MCOLN2: variants seen among roughly 807,000 people sequenced by gnomAD.
MCOLN2 encodes mucolipin TRP cation channel 2.
MCOLN2 carries 57 observed loss-of-function variants against 67.5 expected under a neutral mutation model. That is an observed-to-expected ratio of 0.84 (90% confidence interval 0.68 to 1.05). The LOEUF (loss-of-function observed/expected upper bound fraction) is 1.05. Among genes scored for constraint, MCOLN2 ranks in the 50% least tolerant of loss-of-function variants. The probability of loss-of-function intolerance (pLI) is 0.00; values close to 1 mark genes in which losing one functional copy is unlikely to be tolerated. For synonymous variants in MCOLN2, 246 were observed against 233.3 expected (o/e 1.05, Z -0.50); for missense variants, 620 against 678.8 (o/e 0.91, Z 0.96).
At chr1:84,980,433 C>A (rs1420028016) in intron 1 of MCOLN2, among the ~76,000 whole-genome samples, 1 of 151,974 alleles carries the variant, frequency 6.6e-6, no homozygotes, top group Non-Finnish European at 1.5e-5. Context: ...GCTTTACTAA[C>A]CAAAACAGCA....
chr1:84,994,359 C>G (rs933953385), intron 1 of MCOLN2, among the ~76,000 whole-genome samples: 3 of 52,716 alleles, frequency 5.7e-5, no homozygotes, highest in Admixed American at 4.7e-4. Context: ...CTTGTCCTCT[C>G]TACTAGGAAA....
intron 2 of MCOLN2, among the ~76,000 whole-genome samples, chr1:84,964,066 T>G (rs758724032): frequency 2.0e-4 from 30 of 152,222 alleles, no homozygotes; most frequent in Non-Finnish European, 3.4e-4. Flanking sequence ...TGTATCTATT[T>G]TATTGGTTGC....
chr1:84,993,619 C>CTTTTT (rs869075778), intron 1 of MCOLN2, among the ~76,000 whole-genome samples: 6 of 118,524 alleles, frequency 5.1e-5, no homozygotes, highest in African/African-American at 9.6e-5. Flanking sequence ...TAAATAATGT[C>CTTTTT]TTTTTTTTTT....
At chr1:84,967,100 G>T (rs557830524) in intron 1 of MCOLN2, among the ~76,000 whole-genome samples, 13 of 152,264 alleles carry the variant, frequency 8.5e-5, no homozygotes, top group African/African-American at 3.1e-4. Flanking sequence ...ACAAAGTTTG[G>T]AGATCAGTGA....
Position 84,940,892 on chromosome 1 carries a change from A to G in MCOLN2, c.947T>C (p.Leu316Pro), listed in dbSNP as rs1647736882. The change falls in exon 8 of 14, where the codon CTA becomes CCA. Residue 316 changes from leucine to proline, a missense_variant. By Grantham distance (98) the Leu-to-Pro change is moderately conservative (BLOSUM62 -3). Transcript: ENST00000370608. ...ILCTRSIVLA[L>P]RLRKRFLNFF... ...ACACACTCTTACCTTCCGTAACCTT[A>G]GAGCAAGAACAATGGATCTTGTACA... The G allele has an allele frequency of 4.3e-6, 7 of 1,611,736 alleles. No homozygotes were observed. In the South Asian group the frequency reaches 5.5e-5, roughly 13 times the overall value.
At chr1:84,930,850 C>T (rs1244598237) in intron 12 of MCOLN2, among the ~76,000 whole-genome samples, 1 of 152,094 alleles carries the variant, frequency 6.6e-6, no homozygotes, top group African/African-American at 2.4e-5. Flanking sequence ...AGTTAAATGG[C>T]CTAGTCTGAA....
At chr1:84,944,963 A>G (rs1344091032) in intron 7 of MCOLN2, among the ~76,000 whole-genome samples, 1 of 152,230 alleles carries the variant, frequency 6.6e-6, no homozygotes, top group Non-Finnish European at 1.5e-5. Context: ...GTTTCCAAAC[A>G]TAAGTTTTTT....
intron 11 of MCOLN2, among the ~76,000 whole-genome samples, chr1:84,932,600 T>C (rs1647235080): frequency 6.6e-6 from 1 of 151,846 alleles, no homozygotes; most frequent in South Asian, 2.1e-4. Context: ...AACTTTTTTT[T>C]CTAAATTGCC....
intron 1 of MCOLN2, among the ~76,000 whole-genome samples, chr1:84,993,926 G>A (rs543802632): frequency 7.2e-5 from 11 of 152,052 alleles, no homozygotes; most frequent in Admixed American, 2.0e-4. Context: ...CACCGCGCCC[G>A]GCCAAATAAT....
At chr1:84,971,250 T>C (rs1005257362) in intron 1 of MCOLN2, among the ~76,000 whole-genome samples, 1 of 151,676 alleles carries the variant, frequency 6.6e-6, no homozygotes, top group African/African-American at 2.4e-5. Context: ...GGGGAAAGAG[T>C]TGATAATGAA....
intron 1 of MCOLN2, among the ~76,000 whole-genome samples, chr1:84,986,921 CT>C (rs1160868510): frequency 7.2e-5 from 11 of 152,004 alleles, no homozygotes; most frequent in Admixed American, 7.2e-4. Context: ...CACTTTTAAA[CT>C]GCTGATGGGA....
intron 1 of MCOLN2, among the ~76,000 whole-genome samples, chr1:84,968,593 G>A (rs1437902590): frequency 1.3e-5 from 2 of 152,198 alleles, no homozygotes; most frequent in East Asian, 3.8e-4. Flanking sequence ...ATACATACAT[G>A]TTGGTTTTTG....
intron 7 of MCOLN2, among the ~76,000 whole-genome samples, chr1:84,945,493 G>A (rs1284972615): frequency 6.6e-6 from 1 of 152,080 alleles, no homozygotes; most frequent in Non-Finnish European, 1.5e-5. Context: ...TCAATCGTCA[G>A]GACATATTAT....
At chr1:84,930,781 A>G (rs999993423) in intron 12 of MCOLN2, among the ~76,000 whole-genome samples, 1 of 152,186 alleles carries the variant, frequency 6.6e-6, no homozygotes, top group African/African-American at 2.4e-5. Flanking sequence ...AAGCATGACC[A>G]TCTGCTGTGA....
intron 6 of MCOLN2, among the ~76,000 whole-genome samples, chr1:84,948,395 C>T (rs1480894202): frequency 2.0e-5 from 3 of 152,174 alleles, no homozygotes; most frequent in African/African-American, 7.2e-5. Flanking sequence ...AGAACCAAAG[C>T]CACTATAACC....
chr1:84,927,596 T>G (rs966521558), intron 13 of MCOLN2, among the ~76,000 whole-genome samples: 1 of 152,226 alleles, frequency 6.6e-6, no homozygotes, highest in Admixed American at 6.5e-5. Context: ...TGCTGGTTGT[T>G]GGACTGCTTT....
rs1038666503 is a variant in MCOLN2 at position 84,989,080 on chromosome 1, T to C, written c.77+7716A>G. On this transcript the variant is annotated intron_variant, in intron 1 of 13. Transcript: ENST00000370608. ...TTCATAATTGCAATCACAATCTTTA[T>C]TGGTCTCCCCTACAATGGACTTCAT... Among the ~76,000 whole-genome samples, 19 of 152,200 alleles carry C rather than the reference T, an allele frequency of 1.2e-4. 1 individual carries two copies. Among genetic ancestry groups the C allele is most frequent in the Admixed American group, 1.2e-3 (19 of 15,278 alleles).
At chr1:84,977,757 C>A (rs545358542) in intron 1 of MCOLN2, among the ~76,000 whole-genome samples, 1 of 152,162 alleles carries the variant, frequency 6.6e-6, no homozygotes, top group South Asian at 2.1e-4. Flanking sequence ...ATTATTAGAG[C>A]TAATAAGAGA....
At chr1:84,952,113 G>T in intron 6 of MCOLN2, 130 bp downstream of exon 6, 1 of 625,514 alleles carries the variant, frequency 1.6e-6, no homozygotes, top group Non-Finnish European at 2.8e-6. Flanking sequence ...GTATCATATT[G>T]TATCACTAAA....
Sources: allele counts gnomAD v4.1 joint callset (sites outside exome capture counted in the v4.1 genomes callset), GRCh38; gene constraint gnomAD v4.1.1; transcripts MANE v1.5; gene names NCBI Gene and HGNC (gene_info 2026-07-23, HGNC 2026-07-21).